Variants in LRP5 observed in about 807,000 individuals in gnomAD.
The protein encoded by LRP5 is low-density lipoprotein receptor-related protein 5.
In LRP5, 62 loss-of-function variants were observed where a neutral mutation model predicts 154.1. The ratio of observed to expected loss-of-function variants is 0.40; its 90% CI spans 0.33 to 0.50. The LOEUF (loss-of-function observed/expected upper bound fraction) is 0.50. Among genes scored for constraint, LRP5 ranks in the 20% least tolerant of loss-of-function variants. The pLI is 0.55. For synonymous variants in LRP5, 966 were observed against 1,011.5 expected (o/e 0.96, Z 0.85); for missense variants, 1,915 against 2,336.7 (o/e 0.82, Z 3.72).
intron 1 of LRP5, among the ~76,000 whole-genome samples, chr11:68,337,040 G>A (rs2098606087): frequency 6.6e-6 from 1 of 152,224 alleles, no homozygotes; most frequent in African/African-American, 2.4e-5. Flanking sequence ...TAAATAAAAT[G>A]CCATAAAAAC....
intron 7 of LRP5, among the ~76,000 whole-genome samples, chr11:68,402,495 C>T (rs1392496583): frequency 6.6e-6 from 1 of 152,176 alleles, no homozygotes; most frequent in Non-Finnish European, 1.5e-5. Flanking sequence ...GTTCATCCGG[C>T]CCTGACCCAG....
At chr11:68,390,131 G>A in intron 7 of LRP5, 79 bp downstream of exon 7, 1 of 1,525,324 alleles carries the variant, frequency 6.6e-7, no homozygotes, top group Non-Finnish European at 9.0e-7. Flanking sequence ...TATTGGCGAG[G>A]CACCGATGGG....
At chr11:68,394,969 C>T (rs1201078253) in intron 7 of LRP5, among the ~76,000 whole-genome samples, 1 of 152,094 alleles carries the variant, frequency 6.6e-6, no homozygotes, top group Admixed American at 6.6e-5. Flanking sequence ...ACCCTCTGAG[C>T]ATGGTAGGAC....
chr11:68,432,962 T>A (rs971060915), intron 17 of LRP5, among the ~76,000 whole-genome samples: 3 of 152,220 alleles, frequency 2.0e-5, no homozygotes, highest in African/African-American at 7.2e-5. Context: ...CTCCTCCCTT[T>A]CAGCGCCCTC....
intron 1 of LRP5, among the ~76,000 whole-genome samples, chr11:68,325,810 C>T (rs1276044355): frequency 6.6e-6 from 1 of 152,222 alleles, no homozygotes; most frequent in Non-Finnish European, 1.5e-5. Context: ...TTTCCCCATC[C>T]GTGATAGGGA....
intron 1 of LRP5, among the ~76,000 whole-genome samples, chr11:68,330,095 T>C (rs2098601879): frequency 6.6e-6 from 1 of 152,208 alleles, no homozygotes; most frequent in Non-Finnish European, 1.5e-5. Context: ...CATTCCACAG[T>C]TGCTAACTCA....
rs1290017684 is a variant in LRP5 at position 68,365,496 on chromosome 11, C to A, written c.884-75C>A. 3 of 1,608,216 alleles carry A rather than the reference C, an allele frequency of 1.9e-6. No individual in the cohort carries two copies. The Admixed American group carries it at 5.0e-5, about 27-fold the overall frequency. On this transcript the variant is annotated intron_variant, in intron 4 of 22. Coordinates refer to ENST00000294304, the MANE Select transcript of LRP5 (RefSeq NM_002335.4). Reference sequence around the variant, plus strand: ...CTGGAGGCTGTCACGGGGGACGAGGCAGGATGTGACTCATTCAGAAACAAG... The same window carrying A: ...CTGGAGGCTGTCACGGGGGACGAGGAAGGATGTGACTCATTCAGAAACAAG...
chr11:68,403,954 T>A, intron 8 of LRP5: 1 of 566,274 alleles, frequency 1.8e-6, no homozygotes, highest in Admixed American at 3.1e-5. Flanking sequence ...ACCTGCTGTG[T>A]GCCCGGCCCT....
chr11:68,312,865 C>A (rs1042156223), intron 1 of LRP5, 60 bp downstream of exon 1: 13 of 942,646 alleles, frequency 1.4e-5, no homozygotes, highest in African/African-American at 3.6e-5. Flanking sequence ...CCGGGCGGCC[C>A]CGCGGCCAAG....
At chr11:68,315,466 G>A (rs1411961868) in intron 1 of LRP5, among the ~76,000 whole-genome samples, 3 of 152,210 alleles carry the variant, frequency 2.0e-5, no homozygotes, top group Non-Finnish European at 4.4e-5. Flanking sequence ...TCTGATTCCA[G>A]CCTGGCCGCT....
rs576462333 is a variant in LRP5, at chr11:68,341,059, C to CTTTTTTTTTTTT, written c.92-6780_92-6769dup. Among the ~76,000 whole-genome samples, 164 of 83,460 alleles carry CTTTTTTTTTTTT rather than the reference C, an allele frequency of 2.0e-3. 19 individuals are homozygous for CTTTTTTTTTTTT. The highest frequency in any genetic ancestry group is 8.3e-3 in the Middle Eastern group (1 of 120). The allele number at this position is 83,460 out of a possible 152,430, so 54.8% of individuals were successfully genotyped here. ...GTTACCCCTGCCGCTGGAGATTGTT[C>CTTTTTTTTTTTT]TTTTTTTTTTTTTTTTTTTGCTATT... On this transcript the variant is annotated intron_variant, in intron 1 of 22. Coordinates refer to ENST00000294304, the MANE Select transcript of LRP5 (RefSeq NM_002335.4).
At chr11:68,416,113 CAT>C (rs892597241) in intron 12 of LRP5, among the ~76,000 whole-genome samples, 19 of 152,120 alleles carry the variant, frequency 1.2e-4, no homozygotes, top group Admixed American at 1.2e-3. Flanking sequence ...AAAAATAACA[CAT>C]GTACTTTGAA....
At chr11:68,366,982 G>A (rs1317123580) in intron 5 of LRP5, among the ~76,000 whole-genome samples, 3 of 117,888 alleles carry the variant, frequency 2.5e-5, no homozygotes, top group East Asian at 2.7e-4. Flanking sequence ...TCTGGCGCTC[G>A]CACTCTGGGC....
chr11:68,312,922 G>A, intron 1 of LRP5, 117 bp downstream of exon 1: 1 of 434,406 alleles, frequency 2.3e-6, no homozygotes, highest in Non-Finnish European at 3.1e-6. Context: ...CGAGTTGGGA[G>A]CGAGTTGGGG....
At chr11:68,372,848 G>T (rs1591243019) in intron 5 of LRP5, among the ~76,000 whole-genome samples, 1 of 152,132 alleles carries the variant, frequency 6.6e-6, no homozygotes, top group South Asian at 2.1e-4. Context: ...GAGGACGGAG[G>T]GGGGTGTGCT....
intron 21 of LRP5, 95 bp downstream of exon 21, chr11:68,440,011 G>A: frequency 8.4e-7 from 1 of 1,189,452 alleles, no homozygotes; most frequent in Non-Finnish European, 1.1e-6. Context: ...GGGTTCCTGG[G>A]GGCTGTGCCA....
rs746916192 is a variant in LRP5 at position 68,433,606 on chromosome 11, G to A, written c.3768G>A (p.Pro1256=). 6.8e-6 allele frequency: 11 copies of A among 1,612,956 alleles called. No individual in the cohort carries two copies. The highest frequency in any genetic ancestry group is 4.5e-5 in the East Asian group (2 of 44,886). Residue 1256 remains proline, a synonymous_variant, in exon 18 of 23, where the codon CCG becomes CCA. Coordinates refer to ENST00000294304, the MANE Select transcript of LRP5 (RefSeq NM_002335.4). ...TCTCCTCTGTCCCTCCCCCAGAGCC[G>A]CCCACCTGCTCCCCGGACCAGTTTG... is the stretch of plus-strand genomic sequence containing the variant. ...LLQNLLTCGE[P]PTCSPDQFAC...
intron 1 of LRP5, among the ~76,000 whole-genome samples, chr11:68,313,802 G>A (rs2098590781): frequency 6.6e-6 from 1 of 152,226 alleles, no homozygotes; most frequent in Non-Finnish European, 1.5e-5. Context: ...GGAGGACCTC[G>A]GGCCCCTTTG....
chr11:68,304,462 A>G, the LRP5 span, among the ~76,000 whole-genome samples: 2 of 152,340 alleles, frequency 1.3e-5, no homozygotes, highest in African/African-American at 4.8e-5. Flanking sequence ...TTCCCATTGG[A>G]GGGGAAATGT....
Sources: gnomAD v4.1 joint callset for allele counts (sites outside exome capture counted in the v4.1 genomes callset) on GRCh38, gnomAD v4.1.1 for gene constraint, MANE v1.5 for transcripts, NCBI Gene and HGNC (gene_info 2026-07-23, HGNC 2026-07-21) for gene names.